Variants in WDR59 observed in about 807,000 individuals in gnomAD.
WDR59 encodes GATOR2 complex protein WDR59.
A neutral mutation model predicts 131.2 loss-of-function variants in WDR59; 100 were observed. The ratio of observed to expected loss-of-function variants is 0.76; its 90% CI spans 0.65 to 0.90. The LOEUF is 0.90. Ranked by LOEUF, WDR59 falls within the 40% of genes least tolerant of loss-of-function variation. The pLI is 0.00. For missense variants in WDR59, 1,203 were observed against 1,262.2 expected (o/e 0.95, Z 0.71); for synonymous variants, 601 against 466.2 (o/e 1.29, Z -3.72).
chr16:74,924,794 T>C (rs967593389), intron 8 of WDR59, among the ~76,000 whole-genome samples: 1 of 152,140 alleles, frequency 6.6e-6, no homozygotes, highest in Non-Finnish European at 1.5e-5. Context: ...TGGCAATTTC[T>C]TTTTTTAATA....
intron 17 of WDR59, among the ~76,000 whole-genome samples, chr16:74,906,087 G>A (rs1031487508): frequency 6.6e-6 from 1 of 151,830 alleles, no homozygotes; most frequent in Non-Finnish European, 1.5e-5. Flanking sequence ...GGCCGAGGCA[G>A]GCAGATCACG....
chr16:74,945,409 A>G lies in WDR59; in HGVS notation c.446-2583T>C, dbSNP rs568118256. Among the ~76,000 whole-genome samples, 481 of 151,580 alleles carry G rather than the reference A, an allele frequency of 3.2e-3. 4 individuals are homozygous for G. The highest frequency in any genetic ancestry group is 0.011 in the African/African-American group (450 of 41,376). ...GGAGAATGGCGAGAACCTGGGAGGC[A>G]GAGCTTGCGGTGAGCTGAGATCATG... On this transcript the variant is annotated intron_variant, in intron 6 of 25. Transcript: ENST00000262144.
chr16:74,926,408 A>G (rs1012330801), intron 8 of WDR59, among the ~76,000 whole-genome samples: 1 of 152,206 alleles, frequency 6.6e-6, no homozygotes, highest in Non-Finnish European at 1.5e-5. Flanking sequence ...ATGAAACAGA[A>G]GTAATATTTG....
intron 25 of WDR59, among the ~76,000 whole-genome samples, chr16:74,875,875 C>A (rs548894228): frequency 6.6e-6 from 1 of 152,178 alleles, no homozygotes; most frequent in Admixed American, 6.5e-5. Flanking sequence ...TCACTTCATA[C>A]ACGCGATCAC....
In WDR59 at chr16:74,942,544, C is replaced by G. The variant is rs566096707; in HGVS notation, c.534+194G>C. 4.4e-4 allele frequency among the ~76,000 whole-genome samples: 67 copies of G among 152,216 alleles called. 1 individual carries two copies. The highest frequency in any genetic ancestry group is 1.5e-3 in the African/African-American group (63 of 41,528). On this transcript the variant is annotated intron_variant, in intron 7 of 25. Coordinates refer to ENST00000262144, the MANE Select transcript of WDR59 (RefSeq NM_030581.4). The stretch of plus-strand genomic sequence containing the variant: ...TTTTTTCAACCACTGTTCCTAATGT[C>G]TCACTTCCCTAGTTTCCTTCAACAC...
intron 18 of WDR59, among the ~76,000 whole-genome samples, chr16:74,903,482 G>T (rs959373007): frequency 7.7e-6 from 1 of 129,522 alleles, no homozygotes; most frequent in Admixed American, 8.8e-5. Flanking sequence ...TTTCCATGTA[G>T]ACTTAGTATA....
chr16:74,916,289 A>G, intron 11 of WDR59, 30 bp from the exon 12 acceptor site: 1 of 1,612,588 alleles, frequency 6.2e-7, no homozygotes, highest in South Asian at 1.1e-5. Context: ...ATGTAGTTCT[A>G]GAGAAGTCCG....
intron 25 of WDR59, among the ~76,000 whole-genome samples, chr16:74,877,041 T>A (rs886941810): frequency 6.6e-6 from 1 of 151,918 alleles, no homozygotes; most frequent in African/African-American, 2.4e-5. Context: ...GCAAAGCAGA[T>A]ACCACTTGCA....
chr16:74,966,187 T>C (rs1433864039), intron 1 of WDR59, among the ~76,000 whole-genome samples: 3 of 152,144 alleles, frequency 2.0e-5, no homozygotes, highest in Admixed American at 2.0e-4. Flanking sequence ...ACATTCTAAA[T>C]TGAAAAGACA....
At chr16:74,886,701 C>T (rs1039126930) in intron 23 of WDR59, among the ~76,000 whole-genome samples, 3 of 152,126 alleles carry the variant, frequency 2.0e-5, no homozygotes, top group African/African-American at 7.2e-5. Context: ...AGGCAGATCA[C>T]CTGAGGTCAG....
In WDR59 at chr16:74,909,508, G is replaced by A. The variant is rs754246026; in HGVS notation, c.1635C>T (p.Cys545=). 85 of 1,573,252 alleles carry A rather than the reference G, an allele frequency of 5.4e-5. No individual in the cohort carries two copies. Among genetic ancestry groups the A allele is most frequent in the East Asian group, 5.2e-4 (23 of 44,042 alleles). The change falls in exon 16 of 26, where the codon TGC becomes TGT. Residue 545 remains cysteine, a synonymous_variant. Transcript: ENST00000262144. ...PFPRTSGARF[C]GAGYLVYFTR... Reference sequence around the variant, plus strand: ...AGAACCAAAGAGACCCACCTGCTCCGCAGAACCTGGCCCCAGAAGTCCTAG... The same window carrying A: ...AGAACCAAAGAGACCCACCTGCTCCACAGAACCTGGCCCCAGAAGTCCTAG...
intron 1 of WDR59, among the ~76,000 whole-genome samples, chr16:74,975,311 A>G (rs930563980): frequency 2.6e-5 from 4 of 152,096 alleles, no homozygotes; most frequent in Non-Finnish European, 4.4e-5. Context: ...CAGTGAGCCT[A>G]TATCGCGCCA....
Position 74,912,268 on chromosome 16 carries a change from T to C in WDR59, c.1319A>G (p.Asn440Ser), listed in dbSNP as rs1360296618. ...AATAAACTGGAAGGAAGGGGCGGCG[T>C]TGTTTGGGTACTGTGCAGGGAACTT... is the stretch of plus-strand genomic sequence containing the variant. ...LVKFPAQYPN[N>S]AAPSFQFINP... Residue 440 changes from asparagine to serine, a missense_variant, in exon 14 of 26, where the codon AAC (asparagine) becomes AGC (serine). By Grantham distance (46) the Asn-to-Ser change is conservative. Coordinates refer to ENST00000262144, the MANE Select transcript of WDR59 (RefSeq NM_030581.4). The C allele has an allele frequency of 1.9e-6, 3 of 1,614,162 alleles. No homozygotes were observed. Among genetic ancestry groups the C allele is most frequent in the South Asian group, 1.1e-5 (1 of 91,088 alleles).
At chr16:74,899,662 A>T (rs1421356843) in intron 18 of WDR59, 4 of 1,285,474 alleles carry the variant, frequency 3.1e-6, no homozygotes, top group Non-Finnish European at 3.0e-6. Context: ...TAGAGACAGG[A>T]TTAGTTAAGG....
At chr16:74,874,508 T>C in intron 25 of WDR59, 64 bp from the exon 26 acceptor site, 2 of 1,444,124 alleles carry the variant, frequency 1.4e-6, no homozygotes, top group Middle Eastern at 1.7e-4. Context: ...AAAAGGAAAC[T>C]GGGGCTTGCC....
chr16:74,913,175 A>G (rs1329091490), intron 13 of WDR59, among the ~76,000 whole-genome samples: 2 of 152,150 alleles, frequency 1.3e-5, no homozygotes, highest in Admixed American at 6.5e-5. Context: ...GCAGGAGTCA[A>G]GATCCACATC....
chr16:74,913,751 G>C (rs908529598), intron 13 of WDR59, among the ~76,000 whole-genome samples: 1 of 152,226 alleles, frequency 6.6e-6, no homozygotes, highest in African/African-American at 2.4e-5. Context: ...GAAGAAAGTA[G>C]ATTCGGGATT....
At chr16:74,918,487 C>G (rs1966499352) in intron 10 of WDR59, among the ~76,000 whole-genome samples, 1 of 152,052 alleles carries the variant, frequency 6.6e-6, no homozygotes, top group Non-Finnish European at 1.5e-5. Context: ...CGGGTTATTT[C>G]AAATGCATCA....
At chr16:74,875,599 G>T (rs1964176481) in intron 25 of WDR59, among the ~76,000 whole-genome samples, 1 of 152,148 alleles carries the variant, frequency 6.6e-6, no homozygotes, top group Admixed American at 6.5e-5. Context: ...GGCCATTCAG[G>T]TCTTTGCCCT....
Sources: gnomAD v4.1 joint callset for allele counts (sites outside exome capture counted in the v4.1 genomes callset) on GRCh38, gnomAD v4.1.1 for gene constraint, MANE v1.5 for transcripts, NCBI Gene and HGNC (gene_info 2026-07-23, HGNC 2026-07-21) for gene names.